Variants in NRG1 observed in about 807,000 individuals in gnomAD.
NRG1 encodes neuregulin 1.
Under a neutral mutation model 63.8 loss-of-function variants are expected in NRG1, and 18 were observed. The observed-to-expected ratio is 0.28, with a 90% CI of 0.19 to 0.42. The LOEUF is 0.42. Ranked by LOEUF, NRG1 falls within the 10% of genes least tolerant of loss-of-function variation. The probability of loss-of-function intolerance (pLI) is 1.00; values close to 1 mark genes in which losing one functional copy is unlikely to be tolerated. For missense variants in NRG1, 762 were observed against 814.7 expected (o/e 0.94, Z 0.79); for synonymous variants, 302 against 301.3 (o/e 1.00, Z -0.02).
chr8:31,720,101 G>A (rs982126307), intron 1 of NRG1, among the ~76,000 whole-genome samples: 1 of 152,028 alleles, frequency 6.6e-6, no homozygotes, highest in Non-Finnish European at 1.5e-5. Flanking sequence ...ATTCCTTCTG[G>A]ATTTTAATTT....
At chr8:32,262,065 A>G (rs1428674024) in intron 1 of NRG1, among the ~76,000 whole-genome samples, 1 of 152,174 alleles carries the variant, frequency 6.6e-6, no homozygotes, top group African/African-American at 2.4e-5. Context: ...TCTATCTATA[A>G]TAAATGAAAA....
chr8:32,652,281 T>C (rs139068788), intron 5 of NRG1, among the ~76,000 whole-genome samples: 54 of 152,208 alleles, frequency 3.5e-4, no homozygotes, highest in Admixed American at 2.2e-3. Context: ...TTTGCTCTTA[T>C]TAAATTTTCA....
intron 1 of NRG1, among the ~76,000 whole-genome samples, chr8:32,168,509 G>A (rs1839644191): frequency 6.6e-6 from 1 of 152,224 alleles, no homozygotes; most frequent in Non-Finnish European, 1.5e-5. Flanking sequence ...ATGCATGGAA[G>A]TGAAGGTCTT....
intron 1 of NRG1, among the ~76,000 whole-genome samples, chr8:31,755,692 A>G (rs952460213): frequency 6.6e-6 from 1 of 152,068 alleles, no homozygotes; most frequent in Admixed American, 6.6e-5. Flanking sequence ...GCCAAATACT[A>G]TATCTGGGGC....
At chr8:31,853,946 A>G (rs1563485258) in intron 1 of NRG1, among the ~76,000 whole-genome samples, 1 of 150,772 alleles carries the variant, frequency 6.6e-6, no homozygotes, top group Non-Finnish European at 1.5e-5. Flanking sequence ...CCAGCCTTGC[A>G]TCCCAGGGAT....
chr8:32,316,255 A>T (rs1857375001), intron 1 of NRG1, among the ~76,000 whole-genome samples: 1 of 152,148 alleles, frequency 6.6e-6, no homozygotes, highest in African/African-American at 2.4e-5. Flanking sequence ...AGGTGGGCAG[A>T]TCAGGAAGTC....
At chr8:32,011,793 G>T (rs887502031) in intron 1 of NRG1, among the ~76,000 whole-genome samples, 6 of 152,040 alleles carry the variant, frequency 3.9e-5, no homozygotes, top group Non-Finnish European at 8.8e-5. Flanking sequence ...TTACCTGGAG[G>T]CTTCTGAGTA....
chr8:31,845,700 G>A (rs767356843), intron 1 of NRG1, among the ~76,000 whole-genome samples: 9 of 152,144 alleles, frequency 5.9e-5, no homozygotes, highest in Non-Finnish European at 1.3e-4. Flanking sequence ...GTTCAGGAGG[G>A]CAAGTTAGCA....
At chr8:31,998,271 T>C (rs901627766) in intron 1 of NRG1, among the ~76,000 whole-genome samples, 2 of 151,858 alleles carry the variant, frequency 1.3e-5, no homozygotes, top group Non-Finnish European at 2.9e-5. Flanking sequence ...ACTGGAGAGG[T>C]TCAGTCATTC....
chr8:32,261,778 A>T (rs1850407013), intron 1 of NRG1, among the ~76,000 whole-genome samples: 4 of 152,186 alleles, frequency 2.6e-5, no homozygotes, highest in Admixed American at 2.6e-4. Flanking sequence ...CTAATTTGGG[A>T]CTTATATCTG....
At chr8:31,832,249 GTTTTTTT>G (rs5890599) in intron 1 of NRG1, among the ~76,000 whole-genome samples, 1 of 136,142 alleles carries the variant, frequency 7.3e-6, no homozygotes, top group East Asian at 2.2e-4. Context: ...AAATGCTCTA[GTTTTTTT>G]TTTTTTTTTT....
rs932935894 is a variant in NRG1, at chr8:32,723,451, G to T, written c.503-4498G>T. 7.2e-4 allele frequency among the ~76,000 whole-genome samples: 110 copies of T among 152,082 alleles called. 1 individual carries two copies. Among genetic ancestry groups the T allele is most frequent in the East Asian group, 2.7e-3 (14 of 5,144 alleles). Reference sequence around the variant, plus strand: ...AATCCCAGCAATTTGGGAGGCTGAGGTGGGTGGATCACGAGGCCAAGAGAT... The same window carrying T: ...AATCCCAGCAATTTGGGAGGCTGAGTTGGGTGGATCACGAGGCCAAGAGAT... On this transcript the variant is annotated intron_variant, in intron 5 of 11. Coordinates refer to ENST00000356819, the Ensembl canonical transcript of NRG1.
At chr8:31,843,701 G>T (rs1043941427) in intron 1 of NRG1, among the ~76,000 whole-genome samples, 1 of 152,062 alleles carries the variant, frequency 6.6e-6, no homozygotes, top group African/African-American at 2.4e-5. Context: ...CTTTTAATAC[G>T]AATCCCCAGT....
intron 1 of NRG1, among the ~76,000 whole-genome samples, chr8:31,658,614 C>T (rs1481241609): frequency 3.3e-5 from 5 of 152,236 alleles, no homozygotes; most frequent in East Asian, 1.9e-4. Context: ...AGACATGCAC[C>T]GCCATGCCTG....
intron 5 of NRG1, among the ~76,000 whole-genome samples, chr8:32,676,985 A>G (rs1224959789): frequency 6.6e-6 from 1 of 152,194 alleles, no homozygotes; most frequent in African/African-American, 2.4e-5. Flanking sequence ...GTAGGAATAC[A>G]TTATATAAAA....
intron 1 of NRG1, among the ~76,000 whole-genome samples, chr8:31,852,741 A>T (rs2129609306): frequency 6.6e-6 from 1 of 152,320 alleles, no homozygotes; most frequent in African/African-American, 2.4e-5. Context: ...TCATGGCTTT[A>T]GGTCTAACAT....
At chr8:31,865,365 T>C (rs1828859548) in intron 1 of NRG1, among the ~76,000 whole-genome samples, 1 of 152,122 alleles carries the variant, frequency 6.6e-6, no homozygotes. Flanking sequence ...CTGAAGCAGG[T>C]GATATTCTGA....
intron 5 of NRG1, among the ~76,000 whole-genome samples, chr8:32,719,771 T>C (rs982381521): frequency 7.9e-5 from 12 of 152,150 alleles, no homozygotes; most frequent in African/African-American, 2.9e-4. Flanking sequence ...ACGTTTAACT[T>C]TTTTTTAAAG....
downstream of NRG1, among the ~76,000 whole-genome samples, chr8:32,768,381 G>C (rs1831579912): frequency 6.6e-6 from 1 of 152,152 alleles, no homozygotes; most frequent in Non-Finnish European, 1.5e-5. Context: ...GGTTCAAATA[G>C]TCCAATGGCC....
Sources: allele counts gnomAD v4.1 joint callset (sites outside exome capture counted in the v4.1 genomes callset), GRCh38; gene constraint gnomAD v4.1.1; transcripts MANE v1.5; gene names NCBI Gene and HGNC (gene_info 2026-07-23, HGNC 2026-07-21).